The following CSMD1 variants were observed in gnomAD, a reference collection of about 807,000 sequenced individuals.
CSMD1 encodes CUB and sushi domain-containing protein 1.
In CSMD1, 213 loss-of-function variants were observed where a neutral mutation model predicts 417.5. The ratio of observed to expected loss-of-function variants is 0.51; its 90% CI spans 0.46 to 0.57. The LOEUF is 0.57. Ranked by LOEUF, CSMD1 falls within the 20% of genes least tolerant of loss-of-function variation. The probability of loss-of-function intolerance (pLI) is 0.00; values close to 1 mark genes in which losing one functional copy is unlikely to be tolerated. For synonymous variants in CSMD1, 2,862 were observed against 1,736.8 expected (o/e 1.65, Z -16.11); for missense variants, 6,923 against 4,529.7 (o/e 1.53, Z -15.17).
chr8:3,899,214 C>T (rs183949712), intron 5 of CSMD1, among the ~76,000 whole-genome samples: 46 of 152,222 alleles, frequency 3.0e-4, no homozygotes, highest in Non-Finnish European at 4.7e-4. Context: ...GAACACAGGA[C>T]GGACAAGAGC....
intron 1 of CSMD1, among the ~76,000 whole-genome samples, chr8:4,972,133 G>A (rs1348919667): frequency 2.6e-5 from 4 of 152,064 alleles, no homozygotes; most frequent in African/African-American, 9.7e-5. Context: ...ATCGTTATAC[G>A]CTGCCCCTGT....
chr8:4,084,746 C>G (rs28690185), intron 3 of CSMD1, among the ~76,000 whole-genome samples: 2,255 of 151,136 alleles, frequency 0.015, 31 homozygotes, highest in Non-Finnish European at 0.025. Context: ...CCCACCCCCA[C>G]CCCCCTACCC....
chr8:4,769,123 C>T (rs1585070009), intron 1 of CSMD1, among the ~76,000 whole-genome samples: 1 of 152,156 alleles, frequency 6.6e-6, no homozygotes, highest in African/African-American at 2.4e-5. Context: ...AATCTACTTG[C>T]TCTATGACCT....
chr8:4,957,007 C>T (rs1809160229), intron 1 of CSMD1, among the ~76,000 whole-genome samples: 2 of 152,122 alleles, frequency 1.3e-5, no homozygotes, highest in African/African-American at 4.8e-5. Flanking sequence ...AAGCAGAATC[C>T]TAAGTCTAGC....
At chr8:2,989,269 C>T (rs867608136) in intron 54 of CSMD1, among the ~76,000 whole-genome samples, 2 of 152,154 alleles carry the variant, frequency 1.3e-5, no homozygotes, top group Non-Finnish European at 2.9e-5. Context: ...AGTCTGTCCT[C>T]TTTGAAATAT....
At chr8:3,038,943 G>C (rs892733703) in intron 50 of CSMD1, among the ~76,000 whole-genome samples, 2 of 152,124 alleles carry the variant, frequency 1.3e-5, no homozygotes, top group East Asian at 1.9e-4. Flanking sequence ...ATCTGAGCTG[G>C]TGACTATATA....
intron 23 of CSMD1, among the ~76,000 whole-genome samples, chr8:3,319,284 T>G (rs1422161959): frequency 6.6e-6 from 1 of 152,214 alleles, no homozygotes; most frequent in Non-Finnish European, 1.5e-5. Context: ...TGTTGGTTCT[T>G]TAGGATTTAA....
At chr8:3,359,128 A>C in intron 21 of CSMD1, 24 bp downstream of exon 21, 1 of 1,612,520 alleles carries the variant, frequency 6.2e-7, no homozygotes, top group Non-Finnish European at 8.5e-7. Context: ...TGGATGAATG[A>C]AATGAAAGCG....
chr8:4,116,057 G>C (rs867112948), intron 3 of CSMD1, among the ~76,000 whole-genome samples: 7 of 151,564 alleles, frequency 4.6e-5, no homozygotes, highest in Non-Finnish European at 8.8e-5. Flanking sequence ...CTAGATTGTA[G>C]TGGCAATCTT....
intron 4 of CSMD1, among the ~76,000 whole-genome samples, chr8:4,000,479 T>A (rs1454247775): frequency 6.6e-6 from 1 of 152,232 alleles, no homozygotes; most frequent in Non-Finnish European, 1.5e-5. Flanking sequence ...TGGCTACTAC[T>A]GAGATTCAGA....
In CSMD1 at chr8:3,230,273, T is replaced by C. The variant is rs577739112; in HGVS notation, c.4154-42A>G. 6.7e-6 allele frequency: 10 copies of C among 1,482,312 alleles called. No individual in the cohort carries two copies. The South Asian group carries it at 6.8e-5, about 10-fold the overall frequency. 91.8% of individuals were successfully genotyped at this position (1,482,312 alleles called of 1,614,324 possible). A position where few individuals can be genotyped will look rare whatever the true frequency, so the allele number is the denominator to read the frequency against. On this transcript the variant is annotated intron_variant, in intron 26 of 69. Transcript: ENST00000635120. ...AGGCAAGGTCACAGGCTGGAAAACA[T>C]GGTTTCCACATTCTTGTCGGTGTGG...
chr8:4,759,239 G>A (rs1191438527), intron 1 of CSMD1, among the ~76,000 whole-genome samples: 1 of 152,104 alleles, frequency 6.6e-6, no homozygotes, highest in East Asian at 1.9e-4. Context: ...CACCATCAGT[G>A]TCGTTGGATG....
At chr8:3,536,903 G>C (rs889832935) in intron 10 of CSMD1, among the ~76,000 whole-genome samples, 1 of 152,206 alleles carries the variant, frequency 6.6e-6, no homozygotes, top group Non-Finnish European at 1.5e-5. Flanking sequence ...AGTTTAGAAG[G>C]ATTTATTGTA....
rs1404864193 is a variant in CSMD1, at chr8:2,982,331, G to C, written c.8378-3531C>G. On this transcript the variant is annotated intron_variant, in intron 54 of 69. Transcript: ENST00000635120. ...AGATCATGCCACTGCACTGCAGCCT[G>C]GGTGACAGAGCGAGACTCTGTCTCA... Among the ~76,000 whole-genome samples, 4 of 152,146 alleles carry C rather than the reference G, an allele frequency of 2.6e-5. No individual in the cohort carries two copies. The East Asian group carries it at 5.8e-4, about 22-fold the overall frequency.
At chr8:4,434,274 G>C (rs1211568092) in intron 2 of CSMD1, among the ~76,000 whole-genome samples, 1 of 152,180 alleles carries the variant, frequency 6.6e-6, no homozygotes, top group African/African-American at 2.4e-5. Context: ...GCTGAGGCAA[G>C]AGAATTGCTT....
intron 3 of CSMD1, among the ~76,000 whole-genome samples, chr8:4,074,195 T>G (rs565447199): frequency 2.6e-5 from 4 of 152,080 alleles, no homozygotes; most frequent in Non-Finnish European, 1.5e-5. Context: ...TTAATGTCAC[T>G]ATGCTAAATT....
intron 2 of CSMD1, among the ~76,000 whole-genome samples, chr8:4,472,182 A>C (rs988804395): frequency 6.6e-6 from 1 of 152,138 alleles, no homozygotes; most frequent in African/African-American, 2.4e-5. Flanking sequence ...CTTTTATTAA[A>C]ATGTTATTTT....
chr8:4,229,263 G>C (rs1487028982), intron 3 of CSMD1, among the ~76,000 whole-genome samples: 5 of 152,160 alleles, frequency 3.3e-5, no homozygotes, highest in African/African-American at 7.2e-5. Context: ...CTGAGATGCT[G>C]AGCAATCCTC....
At chr8:4,320,986 T>A (rs10096058) in intron 3 of CSMD1, among the ~76,000 whole-genome samples, 27,923 of 152,116 alleles carry the variant, frequency 0.18, 2,806 homozygotes, top group East Asian at 0.33. Flanking sequence ...CATTGCCTCC[T>A]TATACCAGTT....
Sources: allele counts gnomAD v4.1 joint callset (sites outside exome capture counted in the v4.1 genomes callset), GRCh38; gene constraint gnomAD v4.1.1; transcripts MANE v1.5; gene names NCBI Gene and HGNC (gene_info 2026-07-23, HGNC 2026-07-21).